INTS8: variants seen among roughly 807,000 people sequenced by gnomAD.
INTS8 encodes the protein protein kaonashi-1.
INTS8 carries 47 observed loss-of-function variants against 138.9 expected under a neutral mutation model. The observed-to-expected ratio is 0.34, with a 90% CI of 0.27 to 0.43. INTS8 has a LOEUF of 0.43. INTS8 is among the 20% of genes least tolerant of loss of function. The pLI is 1.00. For synonymous variants in INTS8, 392 were observed against 400.9 expected, an observed-to-expected ratio of 0.98 and a Z score of 0.27; for missense variants, 996 against 1,173.0, an observed-to-expected ratio of 0.85 and a Z score of 2.20.
At chr8:94,846,999 G>A (rs1383111069) in intron 10 of INTS8, among the ~76,000 whole-genome samples, 3 of 152,082 alleles carry the variant, frequency 2.0e-5, no homozygotes, top group Non-Finnish European at 4.4e-5. Context: ...AATATATGAA[G>A]ATTTTTTTTC....
At chr8:94,871,781 T>C in intron 20 of INTS8, 103 bp from the exon 21 acceptor site, 1 of 717,424 alleles carries the variant, frequency 1.4e-6, no homozygotes, top group Non-Finnish European at 2.5e-6. Context: ...TATATTTATG[T>C]TCACCTAAAT....
At chr8:94,837,253 A>G (rs1043060451) in intron 7 of INTS8, among the ~76,000 whole-genome samples, 2 of 152,192 alleles carry the variant, frequency 1.3e-5, no homozygotes, top group Non-Finnish European at 2.9e-5. Context: ...ATTAATTCCT[A>G]ATATGGGTAA....
chr8:94,852,104 G>A (rs1015052597), intron 13 of INTS8, among the ~76,000 whole-genome samples: 2 of 151,842 alleles, frequency 1.3e-5, no homozygotes, highest in African/African-American at 2.4e-5. Context: ...CACCATGCCC[G>A]GCTAATTTAT....
At chr8:94,850,461 A>G (rs1183134551) in intron 12 of INTS8, among the ~76,000 whole-genome samples, 1 of 152,046 alleles carries the variant, frequency 6.6e-6, no homozygotes, top group African/African-American at 2.4e-5. Flanking sequence ...AAATACAAAA[A>G]ATTAGCCAGG....
chr8:94,877,169 A>T (rs1816592350), intron 26 of INTS8, among the ~76,000 whole-genome samples: 1 of 152,222 alleles, frequency 6.6e-6, no homozygotes, highest in Non-Finnish European at 1.5e-5. Context: ...CACTGATTAG[A>T]TGAACTCTTT....
At chr8:94,829,671 C>T (rs1398077005) in intron 5 of INTS8, among the ~76,000 whole-genome samples, 3 of 152,012 alleles carry the variant, frequency 2.0e-5, no homozygotes, top group Non-Finnish European at 1.5e-5. Context: ...GTCTAAGTGC[C>T]GTGACATTAA....
chr8:94,865,380 A>T (rs187557150), intron 16 of INTS8, 126 bp from the exon 17 acceptor site: 2 of 712,848 alleles, frequency 2.8e-6, no homozygotes, highest in East Asian at 5.4e-5. Flanking sequence ...AATGCACAGC[A>T]TAAAATAACT....
chr8:94,865,586 A>C lies in INTS8; in HGVS notation c.2157A>C (p.Glu719Asp). The change falls in exon 17 of 27, where the codon GAA becomes GAC. Residue 719 changes from glutamate (E) to aspartate (D), a missense_variant. Physicochemically the swap from Glu to Asp is conservative, Grantham distance 45. Transcript: ENST00000523731. Reference sequence around the variant, plus strand: ...GACGGACTGCCAAAGACCTTTGGGAAGTTGTTGTTCAAATCTGTAGTGTGT... The same window carrying C: ...GACGGACTGCCAAAGACCTTTGGGACGTTGTTGTTCAAATCTGTAGTGTGT... ...ESRRTAKDLWEVVVQICSVSS... is the reference protein window; with the variant it reads ...ESRRTAKDLWDVVVQICSVSS... The C allele has an allele frequency of 6.2e-7, 1 of 1,614,146 alleles. No homozygotes were observed. The highest frequency in any genetic ancestry group is 1.1e-5 in the South Asian group (1 of 91,084).
chr8:94,874,535 G>T lies in INTS8; in HGVS notation c.2638-17G>T. On this transcript the variant is annotated splice_polypyrimidine_tract_variant and intron_variant, in intron 22 of 26. Coordinates refer to ENST00000523731, the MANE Select transcript of INTS8 (RefSeq NM_017864.4). ...GTTAGCTGGTTTTTGAAAATAATGA[G>T]AATTTTGCTTTTGTAGGTAATAAAA... 1 of 1,464,798 alleles carries T rather than the reference G, an allele frequency of 6.8e-7. No individual in the cohort carries two copies. The highest frequency in any genetic ancestry group is 1.1e-5 in the South Asian group (1 of 87,170). The allele number at this position is 1,464,798 out of a possible 1,614,324, so 90.7% of individuals were successfully genotyped here.
chr8:94,872,296 C>T (rs144791533), intron 21 of INTS8, among the ~76,000 whole-genome samples: 1,750 of 152,112 alleles, frequency 0.012, 35 homozygotes, highest in African/African-American at 0.04. Context: ...TGAAGTGGCA[C>T]GATCTTGGCT....
chr8:94,830,428 T>C (rs1003302049), intron 5 of INTS8, among the ~76,000 whole-genome samples: 1 of 152,266 alleles, frequency 6.6e-6, no homozygotes, highest in African/African-American at 2.4e-5. Flanking sequence ...ATTGTTGTTA[T>C]CTAGTTCCTA....
intron 20 of INTS8, among the ~76,000 whole-genome samples, chr8:94,871,009 ATACTT>A (rs1180418175): frequency 6.6e-6 from 1 of 151,996 alleles, no homozygotes; most frequent in Non-Finnish European, 1.5e-5. Flanking sequence ...CTGATATGAT[ATACTT>A]GGACATCCAG....
chr8:94,852,234 C>T (rs566534340), intron 13 of INTS8, among the ~76,000 whole-genome samples: 8 of 152,238 alleles, frequency 5.3e-5, no homozygotes, highest in South Asian at 2.1e-4. Context: ...TGAGCCACCA[C>T]GTCTGGCTGC....
chr8:94,872,088 T>C, intron 21 of INTS8, 86 bp downstream of exon 21: 1 of 653,062 alleles, frequency 1.5e-6, no homozygotes, highest in Non-Finnish European at 2.7e-6. Flanking sequence ...TTTATTTCAA[T>C]ACTTAAGTTT....
intron 20 of INTS8, among the ~76,000 whole-genome samples, chr8:94,870,452 G>T (rs1369210881): frequency 6.6e-6 from 1 of 152,158 alleles, no homozygotes; most frequent in Non-Finnish European, 1.5e-5. Flanking sequence ...TTGACCCAGA[G>T]AAAACAAAAT....
At chr8:94,869,853 A>G (rs1270364614) in intron 20 of INTS8, among the ~76,000 whole-genome samples, 1 of 152,006 alleles carries the variant, frequency 6.6e-6, no homozygotes, top group Non-Finnish European at 1.5e-5. Flanking sequence ...GACTGTAATG[A>G]TTGGTTTCCA....
intron 23 of INTS8, among the ~76,000 whole-genome samples, chr8:94,874,870 A>G (rs2131077106): frequency 6.6e-6 from 1 of 152,338 alleles, no homozygotes; most frequent in South Asian, 2.1e-4. Context: ...AGAAATGTGC[A>G]TTAGTCATTA....
In INTS8 at chr8:94,827,503, G is replaced by A. The variant is rs115942323; in HGVS notation, c.446+100G>A. Reference sequence around the variant, plus strand: ...TTTAATGGACCCATTCTGCTGCAGGGATTTTTCAAATCTGGGGAACTGTGA... The same window carrying A: ...TTTAATGGACCCATTCTGCTGCAGGAATTTTTCAAATCTGGGGAACTGTGA... On this transcript the variant is annotated intron_variant, in intron 3 of 26. Coordinates refer to ENST00000523731, the MANE Select transcript of INTS8 (RefSeq NM_017864.4). 1.1e-3 allele frequency: 1,571 copies of A among 1,392,566 alleles called. 14 individuals carry two copies. The African/African-American group carries it at 0.021, about 18-fold the overall frequency. 86.3% of individuals were successfully genotyped at this position (1,392,566 alleles called of 1,614,324 possible). A position where few individuals can be genotyped will look rare whatever the true frequency, so the allele number is the denominator to read the frequency against.
intron 6 of INTS8, among the ~76,000 whole-genome samples, chr8:94,832,901 G>A (rs1331740264): frequency 3.3e-5 from 5 of 152,040 alleles, no homozygotes; most frequent in Non-Finnish European, 7.4e-5. Flanking sequence ...TGATCCGCCC[G>A]CCTCGGTCTC....
Sources: allele counts gnomAD v4.1 joint callset (sites outside exome capture counted in the v4.1 genomes callset), GRCh38; gene constraint gnomAD v4.1.1; transcripts MANE v1.5; gene names NCBI Gene and HGNC (gene_info 2026-07-23, HGNC 2026-07-21).